Variants in AP2A2 observed in about 807,000 individuals in gnomAD.
The protein encoded by AP2A2 is AP-2 complex subunit alpha-2.
A neutral mutation model predicts 104.2 loss-of-function variants in AP2A2; 32 were observed. The observed-to-expected ratio is 0.31, with a 90% CI of 0.23 to 0.41. The LOEUF (loss-of-function observed/expected upper bound fraction) is 0.41. Among genes scored for constraint, AP2A2 ranks in the 10% least tolerant of loss-of-function variants. The pLI, the probability that AP2A2 is intolerant of heterozygous loss-of-function variation, is 1.00. For synonymous variants in AP2A2, 539 were observed against 533.3 expected (o/e 1.01, Z -0.15); for missense variants, 912 against 1,261.0 (o/e 0.72, Z 4.19).
At chr11:1,003,231 G>C (rs1002306693) in intron 15 of AP2A2, among the ~76,000 whole-genome samples, 4 of 152,278 alleles carry the variant, frequency 2.6e-5, no homozygotes, top group Non-Finnish European at 5.9e-5. Context: ...CCAGAGGGGA[G>C]ATGGGGGCGC....
At chr11:947,678 G>GGCCAGATGTAGTGGCTCAC (rs1213561530) in intron 1 of AP2A2, among the ~76,000 whole-genome samples, 1 of 152,124 alleles carries the variant, frequency 6.6e-6, no homozygotes, top group Non-Finnish European at 1.5e-5. Flanking sequence ...CTTGGAGACA[G>GGCCAGATGTAGTGGCTCAC]GCCAGATGTA....
intron 6 of AP2A2, among the ~76,000 whole-genome samples, chr11:982,134 T>G (rs1855265696): frequency 6.6e-6 from 1 of 152,252 alleles, no homozygotes; most frequent in Non-Finnish European, 1.5e-5. Flanking sequence ...CACTGCCACC[T>G]CTGTCTCCTG....
At chr11:953,118 G>T (rs1854106069) in intron 1 of AP2A2, among the ~76,000 whole-genome samples, 1 of 152,220 alleles carries the variant, frequency 6.6e-6, no homozygotes, top group Non-Finnish European at 1.5e-5. Flanking sequence ...AGTCTTGCCT[G>T]CAGGTCATCA....
intron 10 of AP2A2, among the ~76,000 whole-genome samples, chr11:989,349 A>G (rs1214393633): frequency 1.3e-5 from 2 of 151,452 alleles, no homozygotes; most frequent in Non-Finnish European, 3.0e-5. Flanking sequence ...AAAAAAAACT[A>G]AAATGCCCGT....
rs752011070 is a variant in AP2A2 at position 959,401 on chromosome 11, A to G, written c.68-36A>G. The G allele has an allele frequency of 1.0e-5, 14 of 1,375,020 alleles. No homozygotes were observed. In the Admixed American group the frequency reaches 1.3e-4, roughly 13 times the overall value. 85.2% of individuals were successfully genotyped at this position (1,375,020 alleles called of 1,614,324 possible). On this transcript the variant is annotated intron_variant, in intron 1 of 21. Transcript: ENST00000448903. ...GGAAATGGTGTTTCTTTAGAAATCAATTAAAATAAAAATGGCTTTTTGTTC... is the reference window on the plus strand; with the variant it reads ...GGAAATGGTGTTTCTTTAGAAATCAGTTAAAATAAAAATGGCTTTTTGTTC...
chr11:977,333 CA>C (rs1205934242), intron 5 of AP2A2, 109 bp downstream of exon 5: 1 of 1,421,102 alleles, frequency 7.0e-7, no homozygotes, highest in East Asian at 2.5e-5. Flanking sequence ...GAGGCTGTCA[CA>C]GGGGCTGCTG....
rs1278694808 is a variant in AP2A2 at position 937,084 on chromosome 11, G to A, written c.67+10996G>A. Among the ~76,000 whole-genome samples, 3 of 151,906 alleles carry A rather than the reference G, an allele frequency of 2.0e-5. No individual in the cohort carries two copies. The East Asian group carries it at 5.8e-4, about 29-fold the overall frequency. ...CGCCCAGGCTGGAGTGCAGTGGCGC[G>A]ATCTCAGCTCACTGCAACCTCTGCC... On this transcript the variant is annotated intron_variant, in intron 1 of 21. Coordinates refer to ENST00000448903, the MANE Select transcript of AP2A2 (RefSeq NM_012305.4).
chr11:992,745 T>C lies in AP2A2; in HGVS notation c.1452+60T>C. ...GAGGGCAGTTGCAGAAGGTGAGCAG[T>C]GAGTGGTTCCAGCCTGCCTGCGTGG... On this transcript the variant is annotated intron_variant, in intron 11 of 21. Coordinates refer to ENST00000448903, the MANE Select transcript of AP2A2 (RefSeq NM_012305.4). This position sits in a 1 kb window ranked among gnomAD's most constrained non-coding sequence, Gnocchi z 6.4. 6.3e-7 allele frequency: 1 copy of C among 1,594,312 alleles called. No individual in the cohort carries two copies. The highest frequency in any genetic ancestry group is 8.6e-7 in the Non-Finnish European group (1 of 1,165,118).
At chr11:931,757 T>C (rs1230529457) in intron 1 of AP2A2, among the ~76,000 whole-genome samples, 4 of 152,092 alleles carry the variant, frequency 2.6e-5, no homozygotes, top group Non-Finnish European at 5.9e-5. Flanking sequence ...TTATCAGTGC[T>C]CTGCTCATTG....
chr11:975,951 T>C lies in AP2A2; in HGVS notation c.474-1144T>C, dbSNP rs1589984145. ...TAAAAGAGGAGGCGGATCCTCCTCC[T>C]CTCTGAGGAGTGTGGCATGCTGGGC... On this transcript the variant is annotated intron_variant, in intron 4 of 21. Coordinates refer to ENST00000448903, the MANE Select transcript of AP2A2 (RefSeq NM_012305.4). Among the ~76,000 whole-genome samples the C allele has an allele frequency of 3.9e-5, 6 of 152,200 alleles. No individual in the cohort carries two copies. In the East Asian group the frequency reaches 1.2e-3, roughly 30 times the overall value.
chr11:951,023 C>T (rs1014335829), intron 1 of AP2A2, among the ~76,000 whole-genome samples: 3 of 150,660 alleles, frequency 2.0e-5, no homozygotes, highest in Non-Finnish European at 2.9e-5. Context: ...ACCTGGGAAG[C>T]GGATGTTGCA....
chr11:1,003,833 G>A, intron 16 of AP2A2, 29 bp downstream of exon 16: 5 of 1,441,366 alleles, frequency 3.5e-6, no homozygotes, highest in Non-Finnish European at 3.8e-6. Context: ...TAATGAAACT[G>A]TCTCTTAGAA....
chr11:999,690 A>G (rs992479240), intron 14 of AP2A2, among the ~76,000 whole-genome samples: 4 of 152,188 alleles, frequency 2.6e-5, no homozygotes, highest in African/African-American at 4.8e-5. Context: ...ATAATGATTT[A>G]GTAATAATTT....
intron 14 of AP2A2, among the ~76,000 whole-genome samples, chr11:997,907 AAAAATAAAAT>A (rs769688738): frequency 6.6e-6 from 1 of 152,226 alleles, no homozygotes; most frequent in African/African-American, 2.4e-5. Flanking sequence ...TCGGTCTCAA[AAAAATAAAAT>A]AAAATAAAAT....
At chr11:946,776 AAAAG>A in intron 1 of AP2A2, 1 of 151,540 alleles carries the variant, frequency 6.6e-6, no homozygotes, top group South Asian at 2.1e-4. Context: ...GTCTCAAAAA[AAAAG>A]AAATTAAGAT....
chr11:933,204 G>T (rs1003131188), intron 1 of AP2A2, among the ~76,000 whole-genome samples: 1 of 152,160 alleles, frequency 6.6e-6, no homozygotes, highest in African/African-American at 2.4e-5. Context: ...GGAGGCGGAG[G>T]TTGCAGTAAG....
At chr11:973,957 G>A (rs1284107568) in intron 4 of AP2A2, among the ~76,000 whole-genome samples, 2 of 152,260 alleles carry the variant, frequency 1.3e-5, no homozygotes, top group Non-Finnish European at 2.9e-5. Context: ...ATGCAAGACA[G>A]GGCCACCCCT....
intron 2 of AP2A2, among the ~76,000 whole-genome samples, chr11:959,959 C>T (rs535171714): frequency 1.3e-5 from 2 of 152,304 alleles, no homozygotes; most frequent in East Asian, 1.9e-4. Flanking sequence ...TTGTGAAGTA[C>T]GGATTTAGTT....
chr11:967,841 A>G (rs1421169687), intron 2 of AP2A2, among the ~76,000 whole-genome samples: 1 of 152,200 alleles, frequency 6.6e-6, no homozygotes, highest in Non-Finnish European at 1.5e-5. Flanking sequence ...TGCACAAACC[A>G]AGGAGACAGA....
Sources: allele counts gnomAD v4.1 joint callset (sites outside exome capture counted in the v4.1 genomes callset), GRCh38; gene constraint gnomAD v4.1.1; non-coding constraint Gnocchi (gnomAD v3.1); transcripts MANE v1.5; gene names NCBI Gene and HGNC (gene_info 2026-07-23, HGNC 2026-07-21).